Variants in DLGAP1 observed in about 807,000 individuals in gnomAD.
DLGAP1 encodes DLG associated protein 1, also known as disks large-associated protein 1.
In DLGAP1, 11 loss-of-function variants were observed where a neutral mutation model predicts 90.8. That is an observed-to-expected ratio of 0.12 (90% CI 0.08 to 0.20). DLGAP1 has a LOEUF of 0.20. Among genes scored for constraint, DLGAP1 ranks in the 10% least tolerant of loss-of-function variants. The pLI is 1.00. For missense variants in DLGAP1, 1,050 were observed against 1,333.8 expected (o/e 0.79, Z 3.31); for synonymous variants, 558 against 540.7 (o/e 1.03, Z -0.44).
intron 4 of DLGAP1, among the ~76,000 whole-genome samples, chr18:3,861,531 T>C (rs16945521): frequency 0.12 from 18,634 of 152,172 alleles, 1,216 homozygotes; most frequent in Admixed American, 0.15. Context: ...TTGCTGATTG[T>C]GTAGAGTCCA....
chr18:3,567,314 G>C (rs1385863548), intron 9 of DLGAP1, among the ~76,000 whole-genome samples, 176 bp downstream of exon 9: 1 of 152,114 alleles, frequency 6.6e-6, no homozygotes, highest in Non-Finnish European at 1.5e-5. Context: ...ATGGAGTGGT[G>C]TCTAGTATTA....
chr18:4,193,009 C>T (rs2077430035), intron 1 of DLGAP1, among the ~76,000 whole-genome samples: 2 of 152,378 alleles, frequency 1.3e-5, no homozygotes, highest in South Asian at 2.1e-4. Context: ...AGTAGATTTT[C>T]ATACCTTTCT....
intron 3 of DLGAP1, among the ~76,000 whole-genome samples, chr18:3,926,760 T>C (rs1418646394): frequency 6.6e-6 from 1 of 152,084 alleles, no homozygotes; most frequent in Non-Finnish European, 1.5e-5. Flanking sequence ...AGCAATGACA[T>C]GTTAGTAGCA....
At chr18:3,983,268 C>T (rs557390894) in intron 3 of DLGAP1, 2 of 151,996 alleles carry the variant, frequency 1.3e-5, no homozygotes, top group Admixed American at 6.6e-5. Context: ...ATAGTGATTG[C>T]CATTACTTAA....
At chr18:3,903,297 C>A (rs1015631090) in intron 3 of DLGAP1, among the ~76,000 whole-genome samples, 5 of 152,106 alleles carry the variant, frequency 3.3e-5, no homozygotes, top group African/African-American at 1.2e-4. Flanking sequence ...GGAACATGAA[C>A]GTGGTAATTG....
At chr18:3,995,838 T>G (rs1482539406) in intron 3 of DLGAP1, 1 of 152,126 alleles carries the variant, frequency 6.6e-6, no homozygotes, top group Non-Finnish European at 1.5e-5. Flanking sequence ...TAATCTTATT[T>G]ATTTATTTAT....
chr18:3,746,721 C>T (rs576187749), intron 5 of DLGAP1, among the ~76,000 whole-genome samples: 1 of 152,182 alleles, frequency 6.6e-6, no homozygotes, highest in South Asian at 2.1e-4. Context: ...AAGCATATGA[C>T]AAAATGCTCG....
chr18:3,700,147 G>A (rs1223532075), intron 7 of DLGAP1, among the ~76,000 whole-genome samples: 1 of 152,142 alleles, frequency 6.6e-6, no homozygotes, highest in Non-Finnish European at 1.5e-5. Flanking sequence ...CTGTCTCGCT[G>A]GTGTTCCAGG....
intron 1 of DLGAP1, among the ~76,000 whole-genome samples, chr18:4,159,105 G>A (rs1349414577): frequency 1.3e-5 from 2 of 152,104 alleles, no homozygotes; most frequent in Non-Finnish European, 2.9e-5. Context: ...CTGAACAATT[G>A]CACATTATTT....
At chr18:4,271,993 A>C (rs2079295233) in intron 1 of DLGAP1, among the ~76,000 whole-genome samples, 1 of 152,086 alleles carries the variant, frequency 6.6e-6, no homozygotes, top group South Asian at 2.1e-4. Flanking sequence ...GACTGAGACC[A>C]AGTTTCCTCC....
At chr18:4,106,428 T>C (rs1317081558) in intron 2 of DLGAP1, among the ~76,000 whole-genome samples, 2 of 152,196 alleles carry the variant, frequency 1.3e-5, no homozygotes, top group Non-Finnish European at 2.9e-5. Flanking sequence ...TCCGTGGGTG[T>C]AGGACGAGGC....
rs12457582 is a variant in DLGAP1 at position 4,037,573 on chromosome 18, T to C, written c.-158-32372A>G. ...TTTCCCTTTGTTCTGAGCTGCGCCA[T>C]GCCTTTTCTCTTTTGGGGGCTCTTC... is the stretch of plus-strand genomic sequence containing the variant. On this transcript the variant is annotated intron_variant, in intron 2 of 12. Coordinates refer to ENST00000315677, the MANE Select transcript of DLGAP1 (RefSeq NM_004746.4). Among the ~76,000 whole-genome samples the C allele has an allele frequency of 0.032, 4,807 of 152,340 alleles. 526 individuals carry two copies. In the East Asian group the frequency reaches 0.32, roughly 10 times the overall value.
At chr18:4,410,265 T>C (rs925546320) in intron 1 of DLGAP1, among the ~76,000 whole-genome samples, 1 of 152,334 alleles carries the variant, frequency 6.6e-6, no homozygotes, top group African/African-American at 2.4e-5. Context: ...AACTCACTCA[T>C]GTAACCAAGT....
At chr18:3,521,411 G>A (rs902336782) in intron 10 of DLGAP1, among the ~76,000 whole-genome samples, 3 of 152,186 alleles carry the variant, frequency 2.0e-5, no homozygotes, top group Non-Finnish European at 4.4e-5. Context: ...AAGCTGTCCA[G>A]TTTCTCTCTG....
chr18:4,293,577 A>G (rs1198671517), intron 1 of DLGAP1: 1 of 152,194 alleles, frequency 6.6e-6, no homozygotes, highest in Non-Finnish European at 1.5e-5. Flanking sequence ...GTCCTTACTA[A>G]GTTTCATTTT....
At chr18:3,910,775 T>C (rs1202750184) in intron 3 of DLGAP1, among the ~76,000 whole-genome samples, 1 of 151,936 alleles carries the variant, frequency 6.6e-6, no homozygotes, top group African/African-American at 2.4e-5. Context: ...AAATAAAGGG[T>C]TGGGAAGGGA....
chr18:3,589,247 A>G (rs910264857), intron 7 of DLGAP1, among the ~76,000 whole-genome samples: 10 of 152,202 alleles, frequency 6.6e-5, no homozygotes, highest in Admixed American at 5.9e-4. Flanking sequence ...CCTGGGCCAG[A>G]GATTATTTTA....
chr18:3,623,562 C>T (rs899406215), intron 7 of DLGAP1, among the ~76,000 whole-genome samples: 1 of 151,796 alleles, frequency 6.6e-6, no homozygotes, highest in Non-Finnish European at 1.5e-5. Flanking sequence ...CTGAGGCGGG[C>T]GGATCACCTG....
intron 1 of DLGAP1, among the ~76,000 whole-genome samples, chr18:4,153,760 A>G (rs945589448): frequency 2.6e-5 from 4 of 152,138 alleles, no homozygotes; most frequent in African/African-American, 9.7e-5. Flanking sequence ...AGAATCAGCT[A>G]CTTGGGAGTT....
Sources: gnomAD v4.1 joint callset for allele counts (sites outside exome capture counted in the v4.1 genomes callset) on GRCh38, gnomAD v4.1.1 for gene constraint, MANE v1.5 for transcripts, NCBI Gene and HGNC (gene_info 2026-07-23, HGNC 2026-07-21) for gene names.